The following BCL7C variants were observed in gnomAD, a reference collection of about 807,000 sequenced individuals.
BCL7C encodes the protein B-cell CLL/lymphoma 7 protein family member C.
BCL7C carries 8 observed loss-of-function variants against 26.2 expected under a neutral mutation model. The ratio of observed to expected loss-of-function variants is 0.30; its 90% CI spans 0.18 to 0.55. BCL7C has a LOEUF of 0.55. BCL7C is among the 20% of genes least tolerant of loss of function. The pLI, the probability that BCL7C is intolerant of heterozygous loss-of-function variation, is 0.93. For missense variants in BCL7C, 262 were observed against 298.5 expected (o/e 0.88, Z 0.90); for synonymous variants, 90 against 116.5 (o/e 0.77, Z 1.47).
chr16:30,855,081 G>T (rs2054708411), intron 5 of BCL7C, among the ~76,000 whole-genome samples: 1 of 152,060 alleles, frequency 6.6e-6, no homozygotes, highest in Admixed American at 6.6e-5. Flanking sequence ...CAGCATAATA[G>T]TTGGGTCCAG....
At chr16:30,857,832 G>A (rs1378509742) in intron 5 of BCL7C, among the ~76,000 whole-genome samples, 2 of 151,668 alleles carry the variant, frequency 1.3e-5, no homozygotes, top group Admixed American at 6.6e-5. Context: ...TTAGCTGGGT[G>A]TGGTTGTGCA....
At chr16:30,862,183 C>A (rs1284926749) in intron 5 of BCL7C, among the ~76,000 whole-genome samples, 1 of 152,108 alleles carries the variant, frequency 6.6e-6, no homozygotes, top group Non-Finnish European at 1.5e-5. Flanking sequence ...CCCACCTGCC[C>A]AGCTCCCTTA....
downstream of BCL7C, among the ~76,000 whole-genome samples, chr16:30,883,187 AGAGGG>A (rs1401466387): frequency 6.6e-6 from 1 of 152,156 alleles, no homozygotes; most frequent in African/African-American, 2.4e-5. Flanking sequence ...ATGAGGGCTC[AGAGGG>A]GAGGAGTCAG....
chr16:30,860,367 T>C (rs1295782253), intron 5 of BCL7C, among the ~76,000 whole-genome samples: 1 of 152,174 alleles, frequency 6.6e-6, no homozygotes, highest in Non-Finnish European at 1.5e-5. Context: ...CTCACCCACA[T>C]TGCAGCCCAG....
chr16:30,835,739 G>A (rs535434375), intron 5 of BCL7C, among the ~76,000 whole-genome samples: 83 of 151,566 alleles, frequency 5.5e-4, no homozygotes, highest in African/African-American at 1.9e-3. Context: ...CCAGCTACTC[G>A]GGAGGCTGAT....
intron 5 of BCL7C, among the ~76,000 whole-genome samples, chr16:30,844,217 G>T (rs555384861): frequency 1.4e-3 from 216 of 151,318 alleles, no homozygotes; most frequent in African/African-American, 5.1e-3. Flanking sequence ...GGGCGTGGTG[G>T]TGCGCACCTG....
intron 5 of BCL7C, among the ~76,000 whole-genome samples, chr16:30,863,496 A>T (rs1054340231): frequency 6.6e-6 from 1 of 152,190 alleles, no homozygotes; most frequent in African/African-American, 2.4e-5. Context: ...AGGCCCTTTT[A>T]CTTCCAAAGG....
At chr16:30,851,895 T>G (rs2054677928) in intron 5 of BCL7C, 1 of 220,218 alleles carries the variant, frequency 4.5e-6, no homozygotes, top group Non-Finnish European at 9.5e-6. Flanking sequence ...TCGTTGTTGT[T>G]GCATAGAATA....
intron 5 of BCL7C, among the ~76,000 whole-genome samples, chr16:30,841,953 CAAAA>C (rs1183661130): frequency 4.5e-5 from 1 of 22,234 alleles, no homozygotes. Flanking sequence ...GACTCCATCT[CAAAA>C]AAAAAAAAAA....
intron 5 of BCL7C, among the ~76,000 whole-genome samples, chr16:30,870,706 G>T (rs1200417299): frequency 6.6e-6 from 1 of 152,080 alleles, no homozygotes; most frequent in Admixed American, 6.6e-5. Context: ...TAAATAAACT[G>T]GGGAAAGAGA....
At chr16:30,892,466 G>C in intron 4 of BCL7C, 120 bp downstream of exon 4, 2 of 960,040 alleles carry the variant, frequency 2.1e-6, no homozygotes, top group Non-Finnish European at 3.0e-6. Flanking sequence ...TGCAGGAGTC[G>C]GAAGGCGCCT....
At chr16:30,858,633 T>G (rs1339673151) in intron 5 of BCL7C, among the ~76,000 whole-genome samples, 2 of 152,200 alleles carry the variant, frequency 1.3e-5, no homozygotes, top group Admixed American at 6.5e-5. Flanking sequence ...TATTTGGTAG[T>G]TGGCACAGTC....
At chr16:30,859,322 A>G (rs1464794738) in intron 5 of BCL7C, among the ~76,000 whole-genome samples, 1 of 152,182 alleles carries the variant, frequency 6.6e-6, no homozygotes, top group East Asian at 1.9e-4. Flanking sequence ...TGAGTAATGA[A>G]AATCCTAATA....
At chr16:30,842,954 T>C (rs1057412556) in intron 5 of BCL7C, among the ~76,000 whole-genome samples, 2 of 152,174 alleles carry the variant, frequency 1.3e-5, no homozygotes, top group African/African-American at 4.8e-5. Flanking sequence ...CCAAAATGGT[T>C]TTAACTGAAG....
chr16:30,888,117 T>C (rs2055164525), intron 5 of BCL7C, 127 bp from the exon 6 acceptor site: 1 of 836,728 alleles, frequency 1.2e-6, no homozygotes, highest in Admixed American at 3.7e-5. Context: ...CAGGGCCAGA[T>C]GCCCAGGATG....
At chr16:30,874,061 T>A (rs1259572583) in intron 5 of BCL7C, among the ~76,000 whole-genome samples, 1 of 147,198 alleles carries the variant, frequency 6.8e-6, no homozygotes, top group Non-Finnish European at 1.5e-5. Flanking sequence ...AGTGGTGCGA[T>A]CTTGGCTCAC....
At chr16:30,853,475 C>T (rs2054694259) in intron 5 of BCL7C, among the ~76,000 whole-genome samples, 2 of 152,168 alleles carry the variant, frequency 1.3e-5, no homozygotes, top group Admixed American at 6.6e-5. Flanking sequence ...TAGGACCTGC[C>T]TGAGGCTCTT....
rs1471070072 is a variant in BCL7C, at chr16:30,869,763, C to T, written c.528+19097G>A. Among the ~76,000 whole-genome samples, 4 of 150,262 alleles carry T rather than the reference C, an allele frequency of 2.7e-5. No homozygotes were observed. In the East Asian group the frequency reaches 7.9e-4, roughly 30 times the overall value. On this transcript the variant is annotated intron_variant, in intron 5 of 5. Coordinates refer to the BCL7C transcript ENST00000380317. ...CTTAGCCTCAAGCAATCCTCTCACA[C>T]TGGCCTCCCAAAGTGCTGGGGTTAC...
At position 30,893,745 on chromosome 16, in the gene BCL7C, T is replaced by G; in HGVS notation, c.92+108A>C. On this transcript the variant is annotated intron_variant, in intron 1 of 5. Coordinates refer to ENST00000215115, the MANE Select transcript of BCL7C (RefSeq NM_004765.4). This position sits in a 1 kb window ranked among gnomAD's most constrained non-coding sequence, Gnocchi z 5.2. Reference sequence around the variant, plus strand: ...GTGGATCCAGGGCAAAGCTAGTGGGTGGAGATACACCGAACACCCGGGGCC... The same window carrying G: ...GTGGATCCAGGGCAAAGCTAGTGGGGGGAGATACACCGAACACCCGGGGCC... 5 of 935,618 alleles carry G rather than the reference T, an allele frequency of 5.3e-6. No homozygotes were observed. Among genetic ancestry groups the G allele is most frequent in the Non-Finnish European group, 8.4e-6 (5 of 597,998 alleles). 58.0% of individuals were successfully genotyped at this position (935,618 alleles called of 1,614,324 possible).
Sources: allele counts gnomAD v4.1 joint callset (sites outside exome capture counted in the v4.1 genomes callset), GRCh38; gene constraint gnomAD v4.1.1; non-coding constraint Gnocchi (gnomAD v3.1); transcripts MANE v1.5; gene names NCBI Gene and HGNC (gene_info 2026-07-23, HGNC 2026-07-21).